COL4A4: variants seen among roughly 807,000 people sequenced by gnomAD.
COL4A4 encodes the protein collagen alpha-4(IV) chain.
Under a neutral mutation model 192.9 loss-of-function variants are expected in COL4A4, and 105 were observed. The observed-to-expected ratio is 0.54, with a 90% confidence interval of 0.46 to 0.64. The LOEUF (loss-of-function observed/expected upper bound fraction) is 0.64, where lower values mean the gene tolerates loss of function less well. Among genes scored for constraint, COL4A4 ranks in the 30% least tolerant of loss-of-function variants. COL4A4 has a pLI of 0.00. For synonymous variants in COL4A4, 762 were observed against 769.9 expected (o/e 0.99, Z 0.17); for missense variants, 1,967 against 2,169.3 (o/e 0.91, Z 1.85).
chr2:227,077,821 A>C (rs2059115025), intron 25 of COL4A4, 73 bp downstream of exon 25: 1 of 1,359,342 alleles, frequency 7.4e-7, no homozygotes, highest in Non-Finnish European at 1.0e-6. Flanking sequence ...CCACTATATA[A>C]TTCTTCCACA....
At chr2:226,983,638 T>C in the COL4A4 span, among the ~76,000 whole-genome samples, 1 of 152,186 alleles carries the variant, frequency 6.6e-6, no homozygotes, top group Non-Finnish European at 1.5e-5. Context: ...TCCTTATTCC[T>C]TGAATGCTTG....
intron 9 of COL4A4, among the ~76,000 whole-genome samples, chr2:227,109,661 C>T (rs557341995): frequency 1.3e-4 from 20 of 151,928 alleles, no homozygotes; most frequent in African/African-American, 4.8e-4. Flanking sequence ...ACAGGAGAAT[C>T]GCTTGAACCA....
In COL4A4 at chr2:227,062,468, G is replaced by A. The variant is rs372884219; in HGVS notation, c.2056+62C>T. 448 of 1,012,962 alleles carry A rather than the reference G, an allele frequency of 4.4e-4. No individual in the cohort carries two copies. The African/African-American group carries it at 8.1e-3, about 18-fold the overall frequency. The allele number at this position is 1,012,962 out of a possible 1,614,324, so 62.7% of individuals were successfully genotyped here. On this transcript the variant is annotated intron_variant, in intron 26 of 47. Coordinates refer to ENST00000396625, the MANE Select transcript of COL4A4 (RefSeq NM_000092.5). The stretch of plus-strand genomic sequence containing the variant: ...GGATTCACTCTTGGTTTATCTGTCT[G>A]GCTGGTTTTTTTTTTTTTACTCTGG...
rs1961354477 is a variant in COL4A4 at position 227,003,024 on chromosome 2, G to A, written c.*4301C>T. ...AGATGATAACAGTGACAATTGCAGA[G>A]TACTGATTTTTAATGTCAATTGTTT... is the stretch of plus-strand genomic sequence containing the variant. On this transcript the variant is annotated 3_prime_UTR_variant, in exon 48 of 48. Coordinates refer to ENST00000396625, the MANE Select transcript of COL4A4 (RefSeq NM_000092.5). 6.6e-6 allele frequency: 1 copy of A among 152,622 alleles called. No homozygotes were observed. Among genetic ancestry groups the A allele is most frequent in the African/African-American group, 2.4e-5 (1 of 41,460 alleles). The allele number at this position is 152,622 out of a possible 1,614,324, so 9.5% of individuals were successfully genotyped here. A position where few individuals can be genotyped will look rare whatever the true frequency, so the allele number is the denominator to read the frequency against.
Position 227,089,693 on chromosome 2 carries a change from C to A in COL4A4, c.1459+175G>T, listed in dbSNP as rs2059807699. ...CAAGGCTTTATAAATATATAAGACA[C>A]AAGGCTTTGACTTTTCAGTGACTTG... On this transcript the variant is annotated intron_variant, in intron 21 of 47. Transcript: ENST00000396625. 1.3e-5 allele frequency among the ~76,000 whole-genome samples: 2 copies of A among 148,468 alleles called. 1 individual carries two copies. The highest frequency in any genetic ancestry group is 4.4e-4 in the South Asian group (2 of 4,586).
intron 25 of COL4A4, among the ~76,000 whole-genome samples, chr2:227,070,501 A>C (rs1314102454): frequency 6.6e-6 from 1 of 152,096 alleles, no homozygotes; most frequent in Non-Finnish European, 1.5e-5. Flanking sequence ...TGGATTAAGA[A>C]AATGTGGCAC....
intron 13 of COL4A4, 28 bp from the exon 14 acceptor site, chr2:227,103,225 T>C (rs1358492427): frequency 1.3e-6 from 2 of 1,554,028 alleles, no homozygotes; most frequent in Non-Finnish European, 1.8e-6. Context: ...TATAATTTGG[T>C]CTATTCTTAT....
At chr2:227,103,593 C>A (rs546934894) in intron 13 of COL4A4, among the ~76,000 whole-genome samples, 1 of 152,236 alleles carries the variant, frequency 6.6e-6, no homozygotes, top group African/African-American at 2.4e-5. Flanking sequence ...GAATCTATTA[C>A]GGCCCAGTTC....
chr2:227,061,642 T>C (rs1977079143), intron 26 of COL4A4, among the ~76,000 whole-genome samples: 1 of 152,190 alleles, frequency 6.6e-6, no homozygotes. Context: ...TAAAATTTGA[T>C]GGTAGAGAGA....
the COL4A4 span, among the ~76,000 whole-genome samples, chr2:226,989,555 G>C: frequency 1.3e-5 from 2 of 152,158 alleles, no homozygotes; most frequent in Admixed American, 1.3e-4. Context: ...AGTAAACAGA[G>C]TGAGCATGTA....
intron 4 of COL4A4, among the ~76,000 whole-genome samples, chr2:227,139,490 A>G (rs2063049001): frequency 6.6e-6 from 1 of 152,232 alleles, no homozygotes; most frequent in Non-Finnish European, 1.5e-5. Flanking sequence ...GACCTGACAG[A>G]CAGTAACCAA....
intron 4 of COL4A4, among the ~76,000 whole-genome samples, chr2:227,129,432 C>CA (rs1259505679): frequency 2.1e-5 from 3 of 140,542 alleles, no homozygotes; most frequent in African/African-American, 5.3e-5. Context: ...TTTTTTGAGA[C>CA]AGAGTCTCAC....
chr2:227,016,404 C>CTA (rs1474798463), intron 44 of COL4A4, among the ~76,000 whole-genome samples: 2 of 152,192 alleles, frequency 1.3e-5, no homozygotes, highest in Non-Finnish European at 2.9e-5. Flanking sequence ...CTTACGGTCT[C>CTA]TATAACAGTG....
At chr2:227,080,783 G>A (rs1402215851) in intron 23 of COL4A4, among the ~76,000 whole-genome samples, 2 of 152,156 alleles carry the variant, frequency 1.3e-5, no homozygotes, top group Non-Finnish European at 2.9e-5. Context: ...CAAGGAGCTG[G>A]TGTGTGAAGG....
chr2:227,100,257 C>T (rs917836318), intron 17 of COL4A4, among the ~76,000 whole-genome samples: 6 of 152,134 alleles, frequency 3.9e-5, no homozygotes, highest in African/African-American at 1.2e-4. Context: ...TGTTTCTAAT[C>T]TCAATGAGCC....
At chr2:227,040,469 A>C (rs1029846500) in intron 37 of COL4A4, among the ~76,000 whole-genome samples, 1 of 152,208 alleles carries the variant, frequency 6.6e-6, no homozygotes, top group Non-Finnish European at 1.5e-5. Flanking sequence ...TTAAAAAATC[A>C]TACTCTGTTT....
At chr2:227,007,968 G>T (rs1431310160) in intron 47 of COL4A4, 50 bp downstream of exon 47, 1 of 1,589,410 alleles carries the variant, frequency 6.3e-7, no homozygotes, top group East Asian at 2.2e-5. Flanking sequence ...GCGGGAGAAG[G>T]TGTTAGGAAA....
intron 47 of COL4A4, 24 bp downstream of exon 47, chr2:227,007,994 G>A (rs1282525236): frequency 1.2e-6 from 2 of 1,604,626 alleles, no homozygotes; most frequent in Non-Finnish European, 1.7e-6. Context: ...AATGAGCCAG[G>A]GTTTTCAAGG....
At chr2:227,148,377 T>C (rs1464958923) in intron 1 of COL4A4, among the ~76,000 whole-genome samples, 1 of 152,234 alleles carries the variant, frequency 6.6e-6, no homozygotes, top group Non-Finnish European at 1.5e-5. Flanking sequence ...TCGACAACAT[T>C]GTGCCAAGTG....
Sources: allele counts gnomAD v4.1 joint callset (sites outside exome capture counted in the v4.1 genomes callset), GRCh38; gene constraint gnomAD v4.1.1; transcripts MANE v1.5; gene names NCBI Gene and HGNC (gene_info 2026-07-23, HGNC 2026-07-21).